NKAPD1: variants seen among roughly 807,000 people sequenced by gnomAD.
NKAPD1 encodes NKAP domain containing 1.
Under a neutral mutation model 30.9 loss-of-function variants are expected in NKAPD1, and 12 were observed. The ratio of observed to expected loss-of-function variants is 0.39; its 90% CI spans 0.25 to 0.63. The LOEUF is 0.63. Among genes scored for constraint, NKAPD1 ranks in the 20% least tolerant of loss-of-function variants. NKAPD1 has a pLI of 0.51. For missense variants in NKAPD1, 311 were observed against 344.5 expected, an observed-to-expected ratio of 0.90 and a Z score of 0.77; for synonymous variants, 91 against 113.6, an observed-to-expected ratio of 0.80 and a Z score of 1.26.
Position 112,082,631 on chromosome 11 carries a change from A to G in NKAPD1, c.541A>G (p.Thr181Ala). The change falls in exon 6 of 6, where the codon ACA (threonine) becomes GCA (alanine). Residue 181 changes from threonine to alanine, a missense_variant. Thr to Ala is a moderately conservative substitution (Grantham distance 58, BLOSUM62 0). Coordinates refer to ENST00000393047, the MANE Select transcript of NKAPD1 (RefSeq NM_018195.4). ...AAGCAAAAAGGAAGCCACAGATATA[A>G]CAGCAGATTCCTCGAGTGAGTTCTC... ...KKSKKEATDITADSSSEFSEE... is the reference protein window; with the variant it reads ...KKSKKEATDIAADSSSEFSEE... 6.2e-7 allele frequency: 1 copy of G among 1,613,906 alleles called. No individual in the cohort carries two copies. The highest frequency in any genetic ancestry group is 8.5e-7 in the Non-Finnish European group (1 of 1,180,008).
chr11:112,080,764 T>C, intron 4 of NKAPD1: 3 of 545,522 alleles, frequency 5.5e-6, no homozygotes, highest in Non-Finnish European at 6.4e-6. Flanking sequence ...AATGGAATAT[T>C]ATTTGGCAGT....
intron 2 of NKAPD1, among the ~76,000 whole-genome samples, chr11:112,077,433 G>A (rs1477249742): frequency 1.3e-5 from 2 of 152,090 alleles, no homozygotes; most frequent in East Asian, 3.8e-4. Flanking sequence ...ATTACCAGAA[G>A]AGATTTAGCT....
At chr11:112,080,287 T>TTA in intron 3 of NKAPD1, 122 bp from the exon 4 acceptor site, 5 of 822,398 alleles carry the variant, frequency 6.1e-6, no homozygotes, top group Non-Finnish European at 9.2e-6. Flanking sequence ...TTTTTTTTTT[T>TTA]AAACAGTATC....
rs1865483280 is a variant in NKAPD1, at chr11:112,082,698, C to G, written c.608C>G (p.Pro203Arg). ...TCTGGTACAAGGAAAGGGAAACAAC[C>G]ACATAAACGCAAGAAAAAATCCAGG... ...GASGTRKGKQ[P>R]HKRKKKSRKK... The change falls in exon 6 of 6, where the codon CCA becomes CGA. Residue 203 changes from proline (P) to arginine (R), a missense_variant. Transcript: ENST00000393047. 6.2e-7 allele frequency: 1 copy of G among 1,613,972 alleles called. No homozygotes were observed.
At position 112,082,840 on chromosome 11, in the gene NKAPD1, C is replaced by T. The variant is rs1865487949; in HGVS notation, c.750C>T (p.Thr250=). ...GTGAGGAAAGAGACACTAAGAAAACCAAAAGGAAAAAGAGAGAGAAAAAAG... is the reference window on the plus strand; with the variant it reads ...GTGAGGAAAGAGACACTAAGAAAACTAAAAGGAAAAAGAGAGAGAAAAAAG... ...EESEERDTKK[T]KRKKREKKAH... The change falls in exon 6 of 6, where the codon ACC becomes ACT. Residue 250 remains threonine, a synonymous_variant. Transcript: ENST00000393047. The T allele has an allele frequency of 6.2e-7, 1 of 1,613,498 alleles. No homozygotes were observed. Among genetic ancestry groups the T allele is most frequent in the South Asian group, 1.1e-5 (1 of 91,042 alleles).
chr11:112,077,253 T>A (rs1566670019), intron 2 of NKAPD1, among the ~76,000 whole-genome samples: 1 of 152,240 alleles, frequency 6.6e-6, no homozygotes. Context: ...AAGCTTAGAT[T>A]TAAAATGGTA....
rs1415371392 is a variant in NKAPD1, at chr11:112,083,010, T to G, written c.*38T>G. ...TTTGTTTTCCACATGACTGTGGATA[T>G]TTACAGTTCTTACTCCTTGTGGTTT... On this transcript the variant is annotated 3_prime_UTR_variant, in exon 6 of 6. Transcript: ENST00000393047. 1 of 1,551,842 alleles carries G rather than the reference T, an allele frequency of 6.4e-7. No individual in the cohort carries two copies. The highest frequency in any genetic ancestry group is 8.6e-7 in the Non-Finnish European group (1 of 1,156,368).
Position 112,075,579 on chromosome 11 carries a change from C to A in NKAPD1, c.5C>A (p.Ser2Tyr), listed in dbSNP as rs1865308442. 4 of 1,607,120 alleles carry A rather than the reference C, an allele frequency of 2.5e-6. No homozygotes were observed. Among genetic ancestry groups the A allele is most frequent in the Non-Finnish European group, 2.5e-6 (3 of 1,177,478 alleles). M[S>Y]RIPLGKVLLR... ...TGATTCATTTCAGATTGAAGAATGT[C>A]CCGGATTCCACTGGGGAAGGTCCTC... is the stretch of plus-strand genomic sequence containing the variant. The change falls in exon 2 of 6, where the codon TCC (serine) becomes TAC (tyrosine). Residue 2 changes from serine (S) to tyrosine (Y), a missense_variant. Coordinates refer to ENST00000393047, the MANE Select transcript of NKAPD1 (RefSeq NM_018195.4).
At chr11:112,076,554 C>G (rs1295152322) in intron 2 of NKAPD1, among the ~76,000 whole-genome samples, 4 of 152,184 alleles carry the variant, frequency 2.6e-5, no homozygotes, top group Non-Finnish European at 4.4e-5. Flanking sequence ...CTACTACTGA[C>G]TGAAAGCCAT....
At position 112,078,222 on chromosome 11, in the gene NKAPD1, A is replaced by T. The variant is rs762823657; in HGVS notation, c.77A>T (p.Glu26Val). ...CCTTTTTAAAAATTCTAGATTCAGG[A>T]GGAATCAGATATGTGGAAAATAAGA... ...RHTDAHNKIQEESDMWKIREL... is the reference protein window; with the variant it reads ...RHTDAHNKIQVESDMWKIREL... The change falls in exon 3 of 6, where the codon GAG (glutamate) becomes GTG (valine). Residue 26 changes from glutamate to valine, a missense_variant. Transcript: ENST00000393047. 2 of 1,602,120 alleles carry T rather than the reference A, an allele frequency of 1.2e-6. No homozygotes were observed. The highest frequency in any genetic ancestry group is 2.7e-5 in the African/African-American group (2 of 74,150).
chr11:112,079,265 C>T (rs916343125), intron 3 of NKAPD1, among the ~76,000 whole-genome samples: 8 of 151,440 alleles, frequency 5.3e-5, no homozygotes, highest in Non-Finnish European at 7.4e-5. Flanking sequence ...TCTGCCTCAG[C>T]CTCCCAATCA....
chr11:112,076,578 A>G (rs906484796), intron 2 of NKAPD1, among the ~76,000 whole-genome samples: 1 of 152,222 alleles, frequency 6.6e-6, no homozygotes, highest in Non-Finnish European at 1.5e-5. Flanking sequence ...GATACCATAA[A>G]CAGTGGATTA....
intron 2 of NKAPD1, among the ~76,000 whole-genome samples, chr11:112,077,032 G>A (rs983823332): frequency 1.3e-5 from 2 of 152,200 alleles, no homozygotes; most frequent in South Asian, 2.1e-4. Flanking sequence ...ATGATAAGAG[G>A]TCATGAGAGT....
Position 112,082,641 on chromosome 11 carries a change from C to G in NKAPD1, c.551C>G (p.Ser184Cys). Reference protein sequence around the residue: ...KKEATDITADSSSEFSEETGA... With the variant: ...KKEATDITADCSSEFSEETGA... Reference sequence around the variant, plus strand: ...GAAGCCACAGATATAACAGCAGATTCCTCGAGTGAGTTCTCAGAAGAAACT... The same window carrying G: ...GAAGCCACAGATATAACAGCAGATTGCTCGAGTGAGTTCTCAGAAGAAACT... Residue 184 changes from serine (S) to cysteine (C), a missense_variant, in exon 6 of 6, where the codon TCC becomes TGC. By Grantham distance (112) the Ser-to-Cys change is moderately radical (BLOSUM62 -1). Coordinates refer to ENST00000393047, the MANE Select transcript of NKAPD1 (RefSeq NM_018195.4). 6.2e-7 allele frequency: 1 copy of G among 1,613,908 alleles called. No homozygotes were observed. Among genetic ancestry groups the G allele is most frequent in the African/African-American group, 1.3e-5 (1 of 74,994 alleles).
Position 112,080,573 on chromosome 11 carries a change from C to T in NKAPD1, c.320+15C>T. ...ATGCCAGACAGGTTTGTGATTAATT[C>T]CTGTGAGCATTAATATTTGGCCTGA... On this transcript the variant is annotated intron_variant, in intron 4 of 5. Transcript: ENST00000393047. 6.2e-7 allele frequency: 1 copy of T among 1,610,740 alleles called. No individual in the cohort carries two copies. The highest frequency in any genetic ancestry group is 1.1e-5 in the South Asian group (1 of 90,572).
At chr11:112,077,264 G>A (rs1274160339) in intron 2 of NKAPD1, among the ~76,000 whole-genome samples, 3 of 152,208 alleles carry the variant, frequency 2.0e-5, no homozygotes, top group African/African-American at 7.2e-5. Flanking sequence ...TAAAATGGTA[G>A]CTAGAAAAAG....
chr11:112,082,836 A>G lies in NKAPD1; in HGVS notation c.746A>G (p.Lys249Arg). The G allele has an allele frequency of 6.2e-7, 1 of 1,614,058 alleles. No individual in the cohort carries two copies. The highest frequency in any genetic ancestry group is 1.3e-5 in the African/African-American group (1 of 75,020). ...GAAAGTGAGGAAAGAGACACTAAGA[A>G]AACCAAAAGGAAAAAGAGAGAGAAA... The part of the protein sequence containing the change: ...SEESEERDTK[K>R]TKRKKREKKA... Residue 249 changes from lysine to arginine, a missense_variant, in exon 6 of 6, where the codon AAA becomes AGA. Coordinates refer to ENST00000393047, the MANE Select transcript of NKAPD1 (RefSeq NM_018195.4).
chr11:112,081,686 TTGGA>T (rs1305426726), intron 4 of NKAPD1: 1 of 301,128 alleles, frequency 3.3e-6, no homozygotes, highest in Non-Finnish European at 6.2e-6. Context: ...TGAAGTGTTT[TTGGA>T]AAAGTGCTTC....
rs535811176 is a variant in NKAPD1, at chr11:112,080,707, T to C, written c.320+149T>C. 9 of 793,084 alleles carry C rather than the reference T, an allele frequency of 1.1e-5. No individual in the cohort carries two copies. In the Admixed American group the frequency reaches 1.7e-4, roughly 15 times the overall value. 49.1% of individuals were successfully genotyped at this position (793,084 alleles called of 1,614,324 possible). On this transcript the variant is annotated intron_variant, in intron 4 of 5. Coordinates refer to ENST00000393047, the MANE Select transcript of NKAPD1 (RefSeq NM_018195.4). ...AAAAATAATGGCCAAGTAATCCAAA[T>C]GTCTGTCAACTGATGAATGGGTAAA...
Sources: allele counts gnomAD v4.1 joint callset (sites outside exome capture counted in the v4.1 genomes callset), GRCh38; gene constraint gnomAD v4.1.1; transcripts MANE v1.5; gene names NCBI Gene and HGNC (gene_info 2026-07-23, HGNC 2026-07-21).